RANBP2: variants seen among roughly 807,000 people sequenced by gnomAD.
RANBP2 encodes E3 SUMO-protein ligase RanBP2.
RANBP2 carries 57 observed loss-of-function variants against 303.6 expected under a neutral mutation model. That is an observed-to-expected ratio of 0.19 (90% CI 0.15 to 0.23). RANBP2 has a LOEUF of 0.23. Ranked by LOEUF, RANBP2 falls within the 10% of genes least tolerant of loss-of-function variation. The probability of loss-of-function intolerance (pLI) is 1.00; values close to 1 mark genes in which losing one functional copy is unlikely to be tolerated. For missense variants in RANBP2, 3,138 were observed against 3,780.8 expected (o/e 0.83, Z 4.46); for synonymous variants, 1,167 against 1,301.5 (o/e 0.90, Z 2.23).
chr2:109,436,370 A>G, the RANBP2 span, among the ~76,000 whole-genome samples: 1 of 152,198 alleles, frequency 6.6e-6, no homozygotes, highest in Non-Finnish European at 1.5e-5. Context: ...GTGAAAGGGC[A>G]TCTATTTCTG....
the RANBP2 span, among the ~76,000 whole-genome samples, chr2:109,677,310 T>C: frequency 4.6e-5 from 7 of 152,134 alleles, no homozygotes; most frequent in African/African-American, 1.7e-4. Context: ...CTGGAGTCAG[T>C]GTCCTGCCCG....
the RANBP2 span, among the ~76,000 whole-genome samples, chr2:108,988,065 G>A: frequency 6.6e-6 from 1 of 152,206 alleles, no homozygotes; most frequent in African/African-American, 2.4e-5. Flanking sequence ...AGAGGACGGT[G>A]GTGCTCCTGT....
the RANBP2 span, among the ~76,000 whole-genome samples, chr2:108,925,092 G>A: frequency 1.3e-5 from 2 of 152,080 alleles, no homozygotes; most frequent in African/African-American, 2.4e-5. Flanking sequence ...GATTGGTCCC[G>A]CTCCTGGGCT....
At chr2:109,204,620 C>A in the RANBP2 span, among the ~76,000 whole-genome samples, 1 of 152,230 alleles carries the variant, frequency 6.6e-6, no homozygotes, top group Non-Finnish European at 1.5e-5. Context: ...CCACCTACTC[C>A]ACCACCAGGT....
the RANBP2 span, among the ~76,000 whole-genome samples, chr2:109,152,689 C>A: frequency 6.6e-6 from 1 of 152,136 alleles, no homozygotes; most frequent in Non-Finnish European, 1.5e-5. Context: ...GACTGCTGAA[C>A]CCAGCTCATC....
chr2:109,095,640 G>A, the RANBP2 span, among the ~76,000 whole-genome samples: 4 of 152,214 alleles, frequency 2.6e-5, no homozygotes, highest in East Asian at 7.7e-4. Flanking sequence ...ACTAACATAG[G>A]GGGCCATAAT....
chr2:109,506,647 A>T, the RANBP2 span, among the ~76,000 whole-genome samples: 1 of 152,240 alleles, frequency 6.6e-6, no homozygotes, highest in South Asian at 2.1e-4. Context: ...TGTGGTTCGT[A>T]TCATCTCCAT....
At chr2:109,286,311 C>A in the RANBP2 span, among the ~76,000 whole-genome samples, 1 of 152,184 alleles carries the variant, frequency 6.6e-6, no homozygotes, top group South Asian at 2.1e-4. Flanking sequence ...ATGTGTTTGA[C>A]CCTCCTGTAA....
chr2:108,774,704 CTTTT>C (rs5833302), intron 23 of RANBP2, among the ~76,000 whole-genome samples: 1 of 138,228 alleles, frequency 7.2e-6, no homozygotes, highest in Admixed American at 7.3e-5. Context: ...TTTCTAGTTT[CTTTT>C]TTTTTTTTTT....
the RANBP2 span, among the ~76,000 whole-genome samples, chr2:109,274,513 T>G: frequency 1.3e-5 from 2 of 152,088 alleles, no homozygotes; most frequent in Non-Finnish European, 2.9e-5. Flanking sequence ...AACATTATGC[T>G]CAAAAAAAGC....
At chr2:109,389,552 G>A in the RANBP2 span, among the ~76,000 whole-genome samples, 974 of 152,280 alleles carry the variant, frequency 6.4e-3, 12 homozygotes, top group African/African-American at 0.022. Flanking sequence ...TCAATGGATC[G>A]TTTGAAAACC....
At chr2:108,813,464 AGT>A in the RANBP2 span, among the ~76,000 whole-genome samples, 418 of 152,298 alleles carry the variant, frequency 2.7e-3, 3 homozygotes, top group African/African-American at 9.6e-3. Flanking sequence ...ATATTTCAGC[AGT>A]GTTTCAGGTA....
the RANBP2 span, among the ~76,000 whole-genome samples, chr2:109,455,611 C>T: frequency 6.6e-6 from 1 of 152,178 alleles, no homozygotes; most frequent in Non-Finnish European, 1.5e-5. Flanking sequence ...CTGAAGAAAT[C>T]TTGAGGATGA....
At chr2:108,872,471 T>G in the RANBP2 span, among the ~76,000 whole-genome samples, 1 of 152,234 alleles carries the variant, frequency 6.6e-6, no homozygotes, top group Non-Finnish European at 1.5e-5. Flanking sequence ...AACCATTGTC[T>G]CCAGTGCTCC....
At chr2:109,069,447 C>T in the RANBP2 span, among the ~76,000 whole-genome samples, 1 of 152,246 alleles carries the variant, frequency 6.6e-6, no homozygotes, top group Non-Finnish European at 1.5e-5. Flanking sequence ...CTTCCTCACT[C>T]GTGAAGCCAT....
chr2:108,936,240 T>G, the RANBP2 span, among the ~76,000 whole-genome samples: 1 of 152,242 alleles, frequency 6.6e-6, no homozygotes, highest in African/African-American at 2.4e-5. Context: ...GCAGGCCTGA[T>G]GGTTCGGAGT....
chr2:109,129,534 C>T, the RANBP2 span: 2 of 1,496,040 alleles, frequency 1.3e-6, no homozygotes, highest in Non-Finnish European at 1.8e-6. Flanking sequence ...CTGCGGGCGC[C>T]TCCCCCATGC....
At chr2:109,596,602 G>A in the RANBP2 span, among the ~76,000 whole-genome samples, 21 of 150,666 alleles carry the variant, frequency 1.4e-4, no homozygotes, top group South Asian at 2.1e-4. Flanking sequence ...GGCAGACAGC[G>A]AGACTCCATC....
chr2:109,717,058 A>C, the RANBP2 span, among the ~76,000 whole-genome samples: 1 of 152,190 alleles, frequency 6.6e-6, no homozygotes, highest in Admixed American at 6.5e-5. Flanking sequence ...AAGAAGTAAA[A>C]GGCATCCCAG....
Sources: gnomAD v4.1 joint callset for allele counts (sites outside exome capture counted in the v4.1 genomes callset) on GRCh38, gnomAD v4.1.1 for gene constraint, MANE v1.5 for transcripts, NCBI Gene and HGNC (gene_info 2026-07-23, HGNC 2026-07-21) for gene names.